The following AP1AR variants were observed in gnomAD, a reference collection of about 807,000 sequenced individuals.
AP1AR encodes adaptor related protein complex 1 associated regulatory protein, also known as AP-1 complex-associated regulatory protein.
In AP1AR, 29 loss-of-function variants were observed where a neutral mutation model predicts 46.3. The observed-to-expected ratio is 0.63, with a 90% confidence interval of 0.47 to 0.85. The LOEUF is 0.85. Ranked by LOEUF, AP1AR falls within the 40% of genes least tolerant of loss-of-function variation. The probability of loss-of-function intolerance (pLI) is 0.00; values close to 1 mark genes in which losing one functional copy is unlikely to be tolerated. For synonymous variants in AP1AR, 122 were observed against 122.9 expected (o/e 0.99, Z 0.05); for missense variants, 357 against 356.3 (o/e 1.00, Z -0.02).
At position 112,232,561 on chromosome 4, in the gene AP1AR, C is replaced by T. The variant is rs147684376; in HGVS notation, c.83+387C>T. Among the ~76,000 whole-genome samples, 664 of 152,376 alleles carry T rather than the reference C, an allele frequency of 4.4e-3. 17 individuals carry two copies. Among genetic ancestry groups the T allele is most frequent in the Admixed American group, 0.036 (549 of 15,310 alleles). The stretch of plus-strand genomic sequence containing the variant: ...AACGCCAAAGCTAGTATCCCTGTAT[C>T]TGACCCTCTCTTTAGCCCTGGCAGA... On this transcript the variant is annotated intron_variant, in intron 1 of 9. Transcript: ENST00000274000.
chr4:112,251,921 T>C (rs145180747), intron 1 of AP1AR, among the ~76,000 whole-genome samples: 16 of 152,316 alleles, frequency 1.1e-4, no homozygotes, highest in South Asian at 2.1e-4. Flanking sequence ...TTCATTGCTA[T>C]TTTTTTCCTT....
At position 112,265,166 on chromosome 4, in the gene AP1AR, T is replaced by TTTATGTG. The variant is rs1234492102; in HGVS notation, c.440+102_440+108dup. The TTTATGTG allele has an allele frequency of 2.3e-5, 19 of 839,288 alleles. No homozygotes were observed. The East Asian group carries it at 5.4e-4, about 24-fold the overall frequency. The allele number at this position is 839,288 out of a possible 1,614,324, so 52.0% of individuals were successfully genotyped here. ...CAAGATGTGTATATACGCATTCATGTTTATGTGTTCCCTAAAAATTATTCC... is the reference window on the plus strand; with the variant it reads ...CAAGATGTGTATATACGCATTCATGTTTATGTGTTATGTGTTCCCTAAAAATTATTCC... On this transcript the variant is annotated intron_variant, in intron 7 of 9. Coordinates refer to ENST00000274000, the MANE Select transcript of AP1AR (RefSeq NM_018569.6).
intron 1 of AP1AR, among the ~76,000 whole-genome samples, chr4:112,250,953 A>G (rs1725936114): frequency 6.6e-6 from 1 of 152,236 alleles, no homozygotes; most frequent in Non-Finnish European, 1.5e-5. Context: ...AATTAAAACT[A>G]TCTTAGGCAA....
chr4:112,260,686 C>A, intron 4 of AP1AR, 80 bp from the exon 5 acceptor site: 1 of 872,348 alleles, frequency 1.1e-6, no homozygotes, highest in Non-Finnish European at 1.7e-6. Flanking sequence ...ATTTCACTGG[C>A]TTTTTGAGTG....
At chr4:112,252,367 C>G (rs1176566360) in intron 1 of AP1AR, among the ~76,000 whole-genome samples, 1 of 152,200 alleles carries the variant, frequency 6.6e-6, no homozygotes, top group Non-Finnish European at 1.5e-5. Context: ...TTTGGATCCC[C>G]ATTGTATGGC....
intron 1 of AP1AR, among the ~76,000 whole-genome samples, chr4:112,234,544 T>G (rs573491613): frequency 6.6e-6 from 1 of 152,368 alleles, no homozygotes; most frequent in Non-Finnish European, 1.5e-5. Context: ...ACTTGAATTT[T>G]CTGATTAACT....
chr4:112,233,981 C>T (rs970856697), intron 1 of AP1AR, among the ~76,000 whole-genome samples: 2 of 152,220 alleles, frequency 1.3e-5, no homozygotes, highest in Non-Finnish European at 2.9e-5. Context: ...GCCTCAGCCT[C>T]CTGAGTAGCT....
At chr4:112,266,541 T>C in intron 8 of AP1AR, 47 bp from the exon 9 acceptor site, 1 of 1,573,818 alleles carries the variant, frequency 6.4e-7, no homozygotes, top group Non-Finnish European at 8.6e-7. Flanking sequence ...GCTGTTGCGG[T>C]GGAAGAGTAG....
chr4:112,249,749 G>A (rs1578410613), intron 1 of AP1AR, among the ~76,000 whole-genome samples: 1 of 152,196 alleles, frequency 6.6e-6, no homozygotes, highest in East Asian at 1.9e-4. Flanking sequence ...ATACCATCTT[G>A]TGCCAGTCAG....
At chr4:112,232,821 A>AT (rs1725074069) in intron 1 of AP1AR, among the ~76,000 whole-genome samples, 1 of 152,146 alleles carries the variant, frequency 6.6e-6, no homozygotes, top group African/African-American at 2.4e-5. Context: ...CCTTGCCCTG[A>AT]TTGCTACTCA....
chr4:112,239,259 C>T (rs913155616), intron 1 of AP1AR, among the ~76,000 whole-genome samples: 15 of 152,138 alleles, frequency 9.9e-5, no homozygotes, highest in Admixed American at 5.2e-4. Flanking sequence ...TGTCTCCCTC[C>T]AGCTATTAAC....
intron 8 of AP1AR, among the ~76,000 whole-genome samples, 181 bp downstream of exon 8, chr4:112,265,988 G>A (rs1726688730): frequency 6.6e-6 from 1 of 151,616 alleles, no homozygotes; most frequent in South Asian, 2.1e-4. Flanking sequence ...AGAAGTTGGA[G>A]CAAAGAAAAA....
chr4:112,254,022 AT>A (rs1726078168), intron 2 of AP1AR, among the ~76,000 whole-genome samples: 1 of 152,190 alleles, frequency 6.6e-6, no homozygotes, highest in African/African-American at 2.4e-5. Flanking sequence ...AGATTCCTTA[AT>A]TTTCTAAACC....
At chr4:112,246,272 G>A (rs546950018) in intron 1 of AP1AR, among the ~76,000 whole-genome samples, 35 of 152,238 alleles carry the variant, frequency 2.3e-4, no homozygotes, top group African/African-American at 7.0e-4. Flanking sequence ...TTGGATGACC[G>A]AGGCAGGCAG....
chr4:112,249,823 A>G (rs1725876654), intron 1 of AP1AR, among the ~76,000 whole-genome samples: 1 of 152,194 alleles, frequency 6.6e-6, no homozygotes, highest in Non-Finnish European at 1.5e-5. Context: ...AAAAGGGAAT[A>G]CTTAGCCACT....
At chr4:112,255,129 T>G (rs1309226655) in intron 3 of AP1AR, among the ~76,000 whole-genome samples, 1 of 151,888 alleles carries the variant, frequency 6.6e-6, no homozygotes, top group Non-Finnish European at 1.5e-5. Context: ...CCGGCTAATT[T>G]TTTGTATTTT....
At position 112,232,044 on chromosome 4, in the gene AP1AR, C is replaced by T. The variant is rs1260707504; in HGVS notation, c.-48C>T. ...TGCAGCTGCCGGGCCTGGGTTTGGG[C>T]ATTGAGCGGGAGGAGGAGGAGGAGC... is the stretch of plus-strand genomic sequence containing the variant. On this transcript the variant is annotated 5_prime_UTR_variant, in exon 1 of 10. Transcript: ENST00000274000. 7.5e-7 allele frequency: 1 copy of T among 1,340,620 alleles called. No homozygotes were observed. The highest frequency in any genetic ancestry group is 9.6e-7 in the Non-Finnish European group (1 of 1,036,670). 83.0% of individuals were successfully genotyped at this position (1,340,620 alleles called of 1,614,324 possible). A position where few individuals can be genotyped will look rare whatever the true frequency, so the allele number is the denominator to read the frequency against.
At chr4:112,258,665 AG>A (rs1391693010) in intron 4 of AP1AR, among the ~76,000 whole-genome samples, 1 of 152,192 alleles carries the variant, frequency 6.6e-6, no homozygotes, top group African/African-American at 2.4e-5. Flanking sequence ...TCATAAGCAA[AG>A]TGAGAGAATT....
chr4:112,264,751 T>TA (rs935476975), intron 6 of AP1AR, among the ~76,000 whole-genome samples: 10 of 151,906 alleles, frequency 6.6e-5, no homozygotes, highest in Admixed American at 5.3e-4. Flanking sequence ...ACATATCTGT[T>TA]AAAAAAAAGT....
Sources: allele counts gnomAD v4.1 joint callset (sites outside exome capture counted in the v4.1 genomes callset), GRCh38; gene constraint gnomAD v4.1.1; transcripts MANE v1.5; gene names NCBI Gene and HGNC (gene_info 2026-07-23, HGNC 2026-07-21).